The following PRR16 variants were observed in gnomAD, a reference collection of about 807,000 sequenced individuals.
PRR16 encodes the protein protein Largen.
PRR16 carries 6 observed loss-of-function variants against 18.2 expected under a neutral mutation model. The observed-to-expected ratio is 0.33, with a 90% CI of 0.18 to 0.65. The LOEUF (loss-of-function observed/expected upper bound fraction) is 0.65, where lower values mean the gene tolerates loss of function less well. Ranked by LOEUF, PRR16 falls within the 30% of genes least tolerant of loss-of-function variation. The pLI, the probability that PRR16 is intolerant of heterozygous loss-of-function variation, is 0.74. For missense variants in PRR16, 412 were observed against 376.6 expected, an observed-to-expected ratio of 1.09 and a Z score of -0.78; for synonymous variants, 151 against 147.8, an observed-to-expected ratio of 1.02 and a Z score of -0.16.
At chr5:120,649,793 A>C (rs1470966330) in intron 1 of PRR16, among the ~76,000 whole-genome samples, 1 of 152,126 alleles carries the variant, frequency 6.6e-6, no homozygotes, top group East Asian at 1.9e-4. Flanking sequence ...TTGGGAGATA[A>C]AAATGATGGT....
At chr5:120,479,742 A>T (rs916808332) in intron 1 of PRR16, among the ~76,000 whole-genome samples, 2 of 152,060 alleles carry the variant, frequency 1.3e-5, no homozygotes, top group African/African-American at 4.8e-5. Flanking sequence ...AAAATCAGGG[A>T]CTAGTGTTTG....
At chr5:120,712,473 A>G in the PRR16 span, among the ~76,000 whole-genome samples, 463 of 152,200 alleles carry the variant, frequency 3.0e-3, 1 homozygote, top group African/African-American at 0.011. Context: ...ACATATGAGT[A>G]AGACTATGCA....
chr5:120,764,557 C>G, the PRR16 span, among the ~76,000 whole-genome samples: 1 of 151,794 alleles, frequency 6.6e-6, no homozygotes, highest in Non-Finnish European at 1.5e-5. Flanking sequence ...TGGTGTCAGG[C>G]TTTTCAAAAC....
At chr5:120,477,260 A>C (rs913090012) in intron 1 of PRR16, among the ~76,000 whole-genome samples, 2 of 152,030 alleles carry the variant, frequency 1.3e-5, no homozygotes, top group Non-Finnish European at 2.9e-5. Context: ...TCTACTCCCT[A>C]TCTCTACTTG....
chr5:120,554,860 A>G (rs890405543), intron 1 of PRR16, among the ~76,000 whole-genome samples: 2 of 152,056 alleles, frequency 1.3e-5, no homozygotes, highest in Non-Finnish European at 2.9e-5. Flanking sequence ...AACACAAGAA[A>G]GATACCTAAA....
intron 1 of PRR16, among the ~76,000 whole-genome samples, chr5:120,650,361 G>A (rs1406350260): frequency 4.0e-5 from 6 of 150,126 alleles, no homozygotes; most frequent in South Asian, 2.1e-4. Flanking sequence ...AAGTTTTAGG[G>A]TACATGTGCA....
chr5:120,549,515 G>A (rs904382311), intron 1 of PRR16, among the ~76,000 whole-genome samples: 11 of 151,872 alleles, frequency 7.2e-5, no homozygotes, highest in South Asian at 6.2e-4. Context: ...CTCAGACTGG[G>A]TTGTAAGACC....
At chr5:120,750,345 T>C in the PRR16 span, among the ~76,000 whole-genome samples, 1 of 152,108 alleles carries the variant, frequency 6.6e-6, no homozygotes, top group Admixed American at 6.6e-5. Context: ...ACATATTGGA[T>C]AACACTTCAT....
At chr5:120,556,291 A>G (rs972104788) in intron 1 of PRR16, among the ~76,000 whole-genome samples, 1 of 146,422 alleles carries the variant, frequency 6.8e-6, no homozygotes, top group Admixed American at 6.9e-5. Context: ...AGCAATTTAC[A>G]AAACCATTGA....
intron 1 of PRR16, among the ~76,000 whole-genome samples, chr5:120,476,048 A>G (rs1384956296): frequency 1.3e-5 from 2 of 152,092 alleles, no homozygotes; most frequent in Non-Finnish European, 2.9e-5. Flanking sequence ...TCTAATCCCT[A>G]TGCTGTTAAT....
intron 1 of PRR16, among the ~76,000 whole-genome samples, chr5:120,657,808 CA>C (rs935841905): frequency 1.3e-5 from 2 of 152,044 alleles, no homozygotes; most frequent in African/African-American, 4.8e-5. Flanking sequence ...CATGTTCCCC[CA>C]CCTATTGCCT....
chr5:120,775,282 C>T, the PRR16 span, among the ~76,000 whole-genome samples: 2 of 152,096 alleles, frequency 1.3e-5, no homozygotes, highest in African/African-American at 4.8e-5. Flanking sequence ...TTTTCCATAA[C>T]CTCCTCTTTG....
chr5:120,751,941 T>A, the PRR16 span, among the ~76,000 whole-genome samples: 1 of 152,140 alleles, frequency 6.6e-6, no homozygotes, highest in Admixed American at 6.6e-5. Context: ...GTAACTTCTT[T>A]ATTTAGATAG....
At chr5:120,566,598 A>G (rs774646619) in intron 1 of PRR16, among the ~76,000 whole-genome samples, 2 of 151,148 alleles carry the variant, frequency 1.3e-5, no homozygotes, top group African/African-American at 2.4e-5. Flanking sequence ...TGATTTCAGA[A>G]TATCAATTTA....
At chr5:120,545,667 A>G (rs1304524398) in intron 1 of PRR16, among the ~76,000 whole-genome samples, 1 of 152,112 alleles carries the variant, frequency 6.6e-6, no homozygotes, top group Non-Finnish European at 1.5e-5. Context: ...CTAAAACCAT[A>G]TATTTTGCTA....
chr5:120,666,030 T>C (rs1756363244), intron 1 of PRR16, among the ~76,000 whole-genome samples: 3 of 152,092 alleles, frequency 2.0e-5, no homozygotes, highest in South Asian at 4.1e-4. Flanking sequence ...TGGCATTGAA[T>C]CTATAAATTA....
chr5:120,768,326 GTTA>G, the PRR16 span, among the ~76,000 whole-genome samples: 1 of 151,346 alleles, frequency 6.6e-6, no homozygotes, highest in Non-Finnish European at 1.5e-5. Flanking sequence ...TAATTTATTC[GTTA>G]TTTTCTCAAT....
In PRR16 at chr5:120,679,725, T is replaced by G. The variant is rs181433376; in HGVS notation, c.160-6229T>G. Among the ~76,000 whole-genome samples, 7 of 152,194 alleles carry G rather than the reference T, an allele frequency of 4.6e-5. No homozygotes were observed. In the East Asian group the frequency reaches 9.6e-4, roughly 21 times the overall value. On this transcript the variant is annotated intron_variant, in intron 1 of 1. Coordinates refer to ENST00000407149, the MANE Select transcript of PRR16 (RefSeq NM_001300783.2). ...ACACACGGATGGACTTGAACGACATTATGCTAAATGAAATAAGCCAGATAC... is the reference window on the plus strand; with the variant it reads ...ACACACGGATGGACTTGAACGACATGATGCTAAATGAAATAAGCCAGATAC...
the PRR16 span, among the ~76,000 whole-genome samples, chr5:120,694,250 G>A: frequency 3.5e-4 from 53 of 152,130 alleles, no homozygotes; most frequent in African/African-American, 1.2e-3. Context: ...TATTTATAAA[G>A]TAATCATTTT....
Sources: allele counts gnomAD v4.1 joint callset (sites outside exome capture counted in the v4.1 genomes callset), GRCh38; gene constraint gnomAD v4.1.1; transcripts MANE v1.5; gene names NCBI Gene and HGNC (gene_info 2026-07-23, HGNC 2026-07-21).